Variants in CCNB2 observed in about 807,000 individuals in gnomAD.
CCNB2 encodes G2/mitotic-specific cyclin-B2.
Under a neutral mutation model 51.1 loss-of-function variants are expected in CCNB2, and 39 were observed. The observed-to-expected ratio is 0.76, with a 90% CI of 0.59 to 1.00. CCNB2 has a LOEUF of 1.00. CCNB2 is among the 50% of genes least tolerant of loss of function. The probability of loss-of-function intolerance (pLI) is 0.00; values close to 1 mark genes in which losing one functional copy is unlikely to be tolerated. For synonymous variants in CCNB2, 174 were observed against 165.5 expected (o/e 1.05, Z -0.40); for missense variants, 472 against 470.3 (o/e 1.00, Z -0.03).
intron 3 of CCNB2, among the ~76,000 whole-genome samples, chr15:59,109,645 T>C (rs2140286085): frequency 6.6e-6 from 1 of 152,328 alleles, no homozygotes; most frequent in Non-Finnish European, 1.5e-5. Flanking sequence ...GTAGTTATTT[T>C]TGAATATTAT....
At chr15:59,107,720 A>T in intron 3 of CCNB2, 50 bp downstream of exon 3, 1 of 1,420,572 alleles carries the variant, frequency 7.0e-7, no homozygotes, top group African/African-American at 1.4e-5. Context: ...GCCTGTTTTT[A>T]GCCAGACTAC....
At chr15:59,110,807 C>A (rs1411989795) in intron 3 of CCNB2, among the ~76,000 whole-genome samples, 1 of 152,160 alleles carries the variant, frequency 6.6e-6, no homozygotes. Context: ...TATTATCCTG[C>A]AGGTTTTGGA....
rs201814723 is a variant in CCNB2 at position 59,117,295 on chromosome 15, T to G, written c.902T>G (p.Val301Gly). 62 of 1,613,286 alleles carry G rather than the reference T, an allele frequency of 3.8e-5. No homozygotes were observed. The East Asian group carries it at 1.3e-3, about 35-fold the overall frequency. The change falls in exon 7 of 9, where the codon GTG (valine) becomes GGG (glycine). Residue 301 changes from valine to glycine, a missense_variant. Transcript: ENST00000288207. Reference protein sequence around the residue: ...MELTLIDYDMVHYHPSKVAAA... With the variant: ...MELTLIDYDMGHYHPSKVAAA... The stretch of plus-strand genomic sequence containing the variant: ...CTGACTCTCATCGACTATGATATGG[T>G]GCATTATCATCCTTCTAAGGTAGCA...
At chr15:59,111,073 G>C (rs1455875874) in intron 3 of CCNB2, among the ~76,000 whole-genome samples, 2 of 152,224 alleles carry the variant, frequency 1.3e-5, no homozygotes, top group Non-Finnish European at 2.9e-5. Context: ...TACCTGACCA[G>C]ATGAGTAGGA....
intron 5 of CCNB2, among the ~76,000 whole-genome samples, chr15:59,115,211 G>T (rs1453805102): frequency 6.6e-6 from 1 of 152,030 alleles, no homozygotes; most frequent in Non-Finnish European, 1.5e-5. Context: ...TGGTTTTCTG[G>T]GCCTGCTTGC....
intron 7 of CCNB2, among the ~76,000 whole-genome samples, chr15:59,121,820 T>A (rs1401046079): frequency 6.7e-6 from 1 of 149,610 alleles, no homozygotes; most frequent in Admixed American, 6.8e-5. Flanking sequence ...TAGTCTCAGC[T>A]ACCCAGGAGG....
Position 59,107,341 on chromosome 15 carries a change from A to T in CCNB2, c.44A>T (p.Asn15Ile). 1 of 1,607,232 alleles carries T rather than the reference A, an allele frequency of 6.2e-7. No individual in the cohort carries two copies. The highest frequency in any genetic ancestry group is 8.5e-7 in the Non-Finnish European group (1 of 1,177,436). The change falls in exon 2 of 9, where the codon AAT becomes ATT. Residue 15 changes from asparagine (N) to isoleucine (I), a missense_variant. Transcript: ENST00000288207. ...TTTCAGGTGTCCAGTGATTTGGAGA[A>T]TATTGACACAGGAGTTAATTCTAAA... ...RRPTVSSDLE[N>I]IDTGVNSKVK...
At chr15:59,112,889 G>A (rs1243441407) in intron 3 of CCNB2, among the ~76,000 whole-genome samples, 1 of 151,580 alleles carries the variant, frequency 6.6e-6, no homozygotes, top group Non-Finnish European at 1.5e-5. Context: ...AAAAAATTAG[G>A]CGAGTGTGGT....
In CCNB2 at chr15:59,114,361, T is replaced by C. The variant is rs1265818299; in HGVS notation, c.268-83T>C. ...CTTTAACATATTTCAGATGTGCGTA[T>C]GATATTGATATTTAAGCCAGTTGGC... On this transcript the variant is annotated intron_variant, in intron 3 of 8. Transcript: ENST00000288207. 7.2e-6 allele frequency: 7 copies of C among 965,992 alleles called. No homozygotes were observed. The Admixed American group carries it at 1.7e-4, about 24-fold the overall frequency. 59.8% of individuals were successfully genotyped at this position (965,992 alleles called of 1,614,324 possible).
rs372880088 is a variant in CCNB2, at chr15:59,112,007, A to G, written c.268-2437A>G. ...GTTGGGACAACAAGTGTGCGCCACC[A>G]TGCCTGGCTAATTTTTGTATTTTTT... On this transcript the variant is annotated intron_variant, in intron 3 of 8. Coordinates refer to ENST00000288207, the MANE Select transcript of CCNB2 (RefSeq NM_004701.4). Among the ~76,000 whole-genome samples, 38 of 151,936 alleles carry G rather than the reference A, an allele frequency of 2.5e-4. No homozygotes were observed. The East Asian group carries it at 7.0e-3, about 28-fold the overall frequency.
Position 59,116,852 on chromosome 15 carries a change from T to C in CCNB2, c.760T>C (p.Leu254=), listed in dbSNP as rs72746814. 2.5e-4 allele frequency: 406 copies of C among 1,614,176 alleles called. 1 individual carries two copies. The highest frequency in any genetic ancestry group is 3.2e-4 in the Non-Finnish European group (373 of 1,180,034). Residue 254 remains leucine, a synonymous_variant, in exon 6 of 9, where the codon TTG becomes CTG. Coordinates refer to ENST00000288207, the MANE Select transcript of CCNB2 (RefSeq NM_004701.4). The part of the protein sequence containing the change: ...SQIREMETLI[L]KELKFELGRP... ...AATCCGAGAAATGGAAACTCTAATT[T>C]TGAAAGAATTGAAATTTGAGTTGGG...
intron 1 of CCNB2, among the ~76,000 whole-genome samples, chr15:59,106,467 C>T (rs965283376): frequency 6.6e-6 from 1 of 152,156 alleles, no homozygotes; most frequent in Non-Finnish European, 1.5e-5. Flanking sequence ...TTATTAGAGT[C>T]GGGACCCTGA....
At chr15:59,110,030 A>T (rs2079251749) in intron 3 of CCNB2, among the ~76,000 whole-genome samples, 1 of 152,094 alleles carries the variant, frequency 6.6e-6, no homozygotes. Flanking sequence ...AAAACTTCAA[A>T]CTTTTACCAT....
intron 1 of CCNB2, among the ~76,000 whole-genome samples, chr15:59,105,760 C>G (rs1450283764): frequency 6.6e-6 from 1 of 152,230 alleles, no homozygotes; most frequent in East Asian, 1.9e-4. Context: ...CGTGTTTCAT[C>G]AGGCAACTGC....
chr15:59,123,440 A>C lies in CCNB2; in HGVS notation c.976-77A>C, dbSNP rs2079311663. 7.6e-6 allele frequency: 6 copies of C among 793,644 alleles called. No homozygotes were observed. The East Asian group carries it at 1.5e-4, about 20-fold the overall frequency. The allele number at this position is 793,644 out of a possible 1,614,324, so 49.2% of individuals were successfully genotyped here. On this transcript the variant is annotated intron_variant, in intron 7 of 8. Coordinates refer to ENST00000288207, the MANE Select transcript of CCNB2 (RefSeq NM_004701.4). ...TACATAAGTAATGTCATCATGTACA[A>C]GATGTGTTCTTCTAAAGAAGCAGAG...
At chr15:59,116,581 G>A in intron 5 of CCNB2, 109 bp from the exon 6 acceptor site, 1 of 592,014 alleles carries the variant, frequency 1.7e-6, no homozygotes, top group Non-Finnish European at 2.9e-6. Context: ...GCCCTTATGA[G>A]CAAAGACAAT....
In CCNB2 at chr15:59,114,761, T is replaced by C. The variant is rs2079271833; in HGVS notation, c.482T>C (p.Ile161Thr). 2 of 1,614,068 alleles carry C rather than the reference T, an allele frequency of 1.2e-6. No individual in the cohort carries two copies. The highest frequency in any genetic ancestry group is 1.3e-5 in the African/African-American group (1 of 75,024). Reference protein sequence around the residue: ...INPHFLDGRDINGRMRAILVD... With the variant: ...INPHFLDGRDTNGRMRAILVD... Reference sequence around the variant, plus strand: ...CCACATTTCTTAGATGGAAGAGATATAAATGGACGCATGCGTGCCATCCTA... The same window carrying C: ...CCACATTTCTTAGATGGAAGAGATACAAATGGACGCATGCGTGCCATCCTA... The change falls in exon 5 of 9, where the codon ATA becomes ACA. Residue 161 changes from isoleucine (I) to threonine (T), a missense_variant. Physicochemically the swap from Ile to Thr is moderately conservative, Grantham distance 89. Coordinates refer to ENST00000288207, the MANE Select transcript of CCNB2 (RefSeq NM_004701.4).
chr15:59,117,167 G>T, intron 6 of CCNB2, 61 bp from the exon 7 acceptor site: 1 of 1,572,924 alleles, frequency 6.4e-7, no homozygotes, highest in South Asian at 1.1e-5. Flanking sequence ...CCTTCACGCA[G>T]AATTTTGCAA....
chr15:59,118,737 T>C (rs73418890), intron 7 of CCNB2, among the ~76,000 whole-genome samples: 7,475 of 152,146 alleles, frequency 0.049, 433 homozygotes, highest in African/African-American at 0.14. Context: ...CCAGGGGAGA[T>C]AGGGAGGTGA....
Sources: gnomAD v4.1 joint callset for allele counts (sites outside exome capture counted in the v4.1 genomes callset) on GRCh38, gnomAD v4.1.1 for gene constraint, MANE v1.5 for transcripts, NCBI Gene and HGNC (gene_info 2026-07-23, HGNC 2026-07-21) for gene names.